The following SCFD2 variants were observed in gnomAD, a reference collection of about 807,000 sequenced individuals.
SCFD2 encodes sec1 family domain-containing protein 2.
Under a neutral mutation model 58.9 loss-of-function variants are expected in SCFD2, and 54 were observed. That is an observed-to-expected ratio of 0.92 (90% confidence interval 0.74 to 1.15). The LOEUF is 1.15. SCFD2 is among the 50% of genes most tolerant of loss of function. SCFD2 has a pLI of 0.00. For synonymous variants in SCFD2, 321 were observed against 335.9 expected, an observed-to-expected ratio of 0.96 and a Z score of 0.49; for missense variants, 805 against 836.6, an observed-to-expected ratio of 0.96 and a Z score of 0.47.
chr4:52,980,857 T>C (rs899718411), intron 5 of SCFD2, among the ~76,000 whole-genome samples: 8 of 152,142 alleles, frequency 5.3e-5, no homozygotes, highest in Non-Finnish European at 1.2e-4. Context: ...GTTTCTGACA[T>C]GATATTTTTG....
At chr4:53,015,427 C>CA (rs1364336149) in intron 5 of SCFD2, among the ~76,000 whole-genome samples, 2 of 151,468 alleles carry the variant, frequency 1.3e-5, no homozygotes, top group African/African-American at 2.4e-5. Flanking sequence ...GGAAAATATG[C>CA]AAAAAAACAA....
At chr4:53,300,860 A>G (rs866610012) in intron 3 of SCFD2, among the ~76,000 whole-genome samples, 3 of 152,250 alleles carry the variant, frequency 2.0e-5, no homozygotes, top group African/African-American at 7.2e-5. Flanking sequence ...CTGGGTAAAT[A>G]ATGAAATGAA....
At chr4:53,346,909 A>T (rs1462953793) in intron 2 of SCFD2, among the ~76,000 whole-genome samples, 1 of 152,140 alleles carries the variant, frequency 6.6e-6, no homozygotes, top group Non-Finnish European at 1.5e-5. Context: ...TTTAAGCCCA[A>T]TGTCTATTTA....
chr4:53,324,516 G>A (rs1414870585), intron 2 of SCFD2, among the ~76,000 whole-genome samples: 3 of 151,772 alleles, frequency 2.0e-5, no homozygotes, highest in African/African-American at 7.3e-5. Flanking sequence ...CCTTGAAACA[G>A]GAGGCATGAC....
At chr4:52,991,400 A>T (rs1240027918) in intron 5 of SCFD2, among the ~76,000 whole-genome samples, 1 of 152,214 alleles carries the variant, frequency 6.6e-6, no homozygotes, top group Non-Finnish European at 1.5e-5. Flanking sequence ...TTCGAAGTCC[A>T]CATTTTTGCC....
At chr4:53,105,275 C>T (rs1049032986) in intron 5 of SCFD2, among the ~76,000 whole-genome samples, 2 of 152,034 alleles carry the variant, frequency 1.3e-5, no homozygotes, top group African/African-American at 2.4e-5. Flanking sequence ...GGGCAGACAC[C>T]GAGCTAGCTT....
chr4:52,893,222 T>C (rs746954974), intron 7 of SCFD2, among the ~76,000 whole-genome samples: 1 of 152,086 alleles, frequency 6.6e-6, no homozygotes, highest in Non-Finnish European at 1.5e-5. Context: ...TTCTTTCTTT[T>C]CTTTCCCTTC....
chr4:53,244,431 C>G (rs1330572061), intron 4 of SCFD2, among the ~76,000 whole-genome samples: 1 of 152,020 alleles, frequency 6.6e-6, no homozygotes. Flanking sequence ...AATTCAAGAC[C>G]AAGAAAATCA....
At chr4:53,199,840 G>A (rs1307089370) in intron 4 of SCFD2, among the ~76,000 whole-genome samples, 1 of 152,062 alleles carries the variant, frequency 6.6e-6, no homozygotes, top group Non-Finnish European at 1.5e-5. Context: ...ACATCAGGGT[G>A]TCAGTATGAC....
intron 7 of SCFD2, among the ~76,000 whole-genome samples, chr4:52,895,677 G>C (rs1718989483): frequency 6.6e-6 from 1 of 152,174 alleles, no homozygotes; most frequent in Non-Finnish European, 1.5e-5. Flanking sequence ...AATCCTTTGG[G>C]TATATACCTA....
chr4:52,876,169 C>T (rs1718469570), intron 8 of SCFD2, among the ~76,000 whole-genome samples: 1 of 151,866 alleles, frequency 6.6e-6, no homozygotes, highest in African/African-American at 2.4e-5. Flanking sequence ...AAAGTCACAA[C>T]TTACAGCCTT....
chr4:53,198,256 T>C (rs1343551863), intron 4 of SCFD2, among the ~76,000 whole-genome samples: 1 of 152,072 alleles, frequency 6.6e-6, no homozygotes, highest in Admixed American at 6.6e-5. Context: ...AAACCTCCTA[T>C]CATCTTAGGC....
chr4:52,896,433 C>A (rs1452254200), intron 7 of SCFD2, among the ~76,000 whole-genome samples: 1 of 152,184 alleles, frequency 6.6e-6, no homozygotes, highest in African/African-American at 2.4e-5. Context: ...TTCCCCATTG[C>A]TTGTTTTTGT....
intron 5 of SCFD2, among the ~76,000 whole-genome samples, chr4:53,027,320 T>A (rs1265623161): frequency 6.6e-6 from 1 of 152,060 alleles, no homozygotes; most frequent in Non-Finnish European, 1.5e-5. Flanking sequence ...CTCTGAAGTG[T>A]CCTGCGCAGT....
rs146061177 is a variant in SCFD2 at position 53,244,920 on chromosome 4, G to A, written c.1311+28906C>T. ...ATATACACAATTAGAAAGAACAAAGGGGATATTACCACTCACCCCACAGAA... is the reference window on the plus strand; with the variant it reads ...ATATACACAATTAGAAAGAACAAAGAGGATATTACCACTCACCCCACAGAA... On this transcript the variant is annotated intron_variant, in intron 4 of 8. Coordinates refer to ENST00000401642, the MANE Select transcript of SCFD2 (RefSeq NM_152540.4). Among the ~76,000 whole-genome samples, 307 of 142,776 alleles carry A rather than the reference G, an allele frequency of 2.2e-3. 1 individual carries two copies. Among genetic ancestry groups the A allele is most frequent in the African/African-American group, 7.2e-3 (294 of 40,672 alleles). The allele number at this position is 142,776 out of a possible 152,430, so 93.7% of individuals were successfully genotyped here.
At chr4:53,102,416 A>T (rs1241216776) in intron 5 of SCFD2, among the ~76,000 whole-genome samples, 1 of 152,136 alleles carries the variant, frequency 6.6e-6, no homozygotes. Flanking sequence ...TGACTAAAAA[A>T]AATTGAATGG....
intron 2 of SCFD2, among the ~76,000 whole-genome samples, chr4:53,319,473 A>T (rs1037518299): frequency 6.6e-6 from 1 of 152,162 alleles, no homozygotes; most frequent in African/African-American, 2.4e-5. Context: ...TTTCCAATCT[A>T]GCTCTAACTC....
intron 2 of SCFD2, among the ~76,000 whole-genome samples, chr4:53,347,634 A>G (rs1734094875): frequency 6.6e-6 from 1 of 152,200 alleles, no homozygotes; most frequent in Non-Finnish European, 1.5e-5. Flanking sequence ...AGGAATAATG[A>G]TCTGAGTCAG....
chr4:52,919,433 G>A (rs1294932149), intron 6 of SCFD2, among the ~76,000 whole-genome samples: 2 of 152,116 alleles, frequency 1.3e-5, no homozygotes, highest in African/African-American at 4.8e-5. Context: ...TTTTGTCGCC[G>A]TGGCATTCTC....
Sources: gnomAD v4.1 joint callset for allele counts (sites outside exome capture counted in the v4.1 genomes callset) on GRCh38, gnomAD v4.1.1 for gene constraint, MANE v1.5 for transcripts, NCBI Gene and HGNC (gene_info 2026-07-23, HGNC 2026-07-21) for gene names.